SAMD3: variants seen among roughly 807,000 people sequenced by gnomAD.
SAMD3 encodes the protein sterile alpha motif domain-containing protein 3.
Under a neutral mutation model 58.5 loss-of-function variants are expected in SAMD3, and 63 were observed. That is an observed-to-expected ratio of 1.08 (90% confidence interval 0.88 to 1.33). SAMD3 has a LOEUF of 1.33. Ranked by LOEUF, SAMD3 falls within the 40% of genes most tolerant of loss-of-function variation. The pLI, the probability that SAMD3 is intolerant of heterozygous loss-of-function variation, is 0.00. For synonymous variants in SAMD3, 220 were observed against 210.3 expected (o/e 1.05, Z -0.40); for missense variants, 604 against 608.4 (o/e 0.99, Z 0.08).
chr6:130,297,525 T>C (rs990581726), intron 2 of SAMD3, among the ~76,000 whole-genome samples: 10 of 152,160 alleles, frequency 6.6e-5, no homozygotes, highest in African/African-American at 2.2e-4. Context: ...TTTCTAGCAA[T>C]GGATCCTAAT....
chr6:130,296,048 T>C (rs1241419481), intron 2 of SAMD3, among the ~76,000 whole-genome samples: 1 of 152,190 alleles, frequency 6.6e-6, no homozygotes, highest in Non-Finnish European at 1.5e-5. Context: ...CTTCATTTCC[T>C]GAGGCCTCCT....
intron 2 of SAMD3, among the ~76,000 whole-genome samples, chr6:130,279,366 C>T (rs1448236812): frequency 1.3e-5 from 2 of 152,106 alleles, no homozygotes; most frequent in Non-Finnish European, 2.9e-5. Context: ...TTATAAGCAT[C>T]TGGCATTTCC....
At chr6:130,242,767 A>C (rs1468081261) in intron 2 of SAMD3, among the ~76,000 whole-genome samples, 4 of 152,216 alleles carry the variant, frequency 2.6e-5, no homozygotes. Context: ...ACTGAGATGC[A>C]CTGTGAGGAG....
intron 1 of SAMD3, among the ~76,000 whole-genome samples, chr6:130,345,643 G>A (rs1481787680): frequency 6.6e-6 from 1 of 151,678 alleles, no homozygotes; most frequent in Non-Finnish European, 1.5e-5. Context: ...CTCAGTACCT[G>A]GCATATGGCA....
At chr6:130,362,321 G>A (rs955695584) in intron 1 of SAMD3, among the ~76,000 whole-genome samples, 3 of 152,192 alleles carry the variant, frequency 2.0e-5, no homozygotes, top group Non-Finnish European at 4.4e-5. Context: ...AAATATTGCC[G>A]AGTCTCGGAC....
intron 2 of SAMD3, among the ~76,000 whole-genome samples, chr6:130,296,652 C>T (rs1562506077): frequency 6.6e-6 from 1 of 152,102 alleles, no homozygotes; most frequent in Non-Finnish European, 1.5e-5. Flanking sequence ...TGTACAAAGC[C>T]CAACTCCCCA....
At chr6:130,247,684 T>C (rs1045881420) in intron 2 of SAMD3, among the ~76,000 whole-genome samples, 3 of 152,196 alleles carry the variant, frequency 2.0e-5, no homozygotes, top group African/African-American at 4.8e-5. Flanking sequence ...AAGCCAGGTA[T>C]TCATCCTGTC....
intron 4 of SAMD3, among the ~76,000 whole-genome samples, chr6:130,213,116 T>TAAA (rs1795707335): frequency 6.6e-6 from 1 of 152,018 alleles, no homozygotes; most frequent in Non-Finnish European, 1.5e-5. Flanking sequence ...AACCACCATT[T>TAAA]GTTTAAAAAA....
At chr6:130,211,275 A>ATTTTTTTTT (rs1562452834) in intron 4 of SAMD3, among the ~76,000 whole-genome samples, 3 of 134,314 alleles carry the variant, frequency 2.2e-5, no homozygotes, top group African/African-American at 2.8e-5. Flanking sequence ...TGCCAATCAG[A>ATTTTTTTTT]ATTTTTTTTT....
At chr6:130,237,091 CATTA>C (rs10574099) in intron 2 of SAMD3, among the ~76,000 whole-genome samples, 19,967 of 151,946 alleles carry the variant, frequency 0.13, 3,421 homozygotes, top group African/African-American at 0.4. Flanking sequence ...CTATGTACTA[CATTA>C]ATTAAAAAAT....
chr6:130,169,637 A>G (rs1184826043), intron 8 of SAMD3, among the ~76,000 whole-genome samples: 1 of 152,146 alleles, frequency 6.6e-6, no homozygotes, highest in African/African-American at 2.4e-5. Context: ...CCCTGGATTG[A>G]CCATAGCAGG....
intron 8 of SAMD3, among the ~76,000 whole-genome samples, chr6:130,166,961 G>A (rs774159656): frequency 6.6e-6 from 1 of 152,124 alleles, no homozygotes; most frequent in African/African-American, 2.4e-5. Flanking sequence ...GTCAAATTAA[G>A]TACACGCATG....
intron 8 of SAMD3, chr6:130,160,561 T>C (rs924265003): frequency 6.6e-6 from 1 of 152,134 alleles, no homozygotes; most frequent in Non-Finnish European, 1.5e-5. Context: ...GGGCAGAGCA[T>C]GTTACGGGAA....
intron 1 of SAMD3, among the ~76,000 whole-genome samples, chr6:130,348,033 A>G (rs1161028682): frequency 6.6e-6 from 1 of 152,214 alleles, no homozygotes; most frequent in Non-Finnish European, 1.5e-5. Context: ...ATGCTGAGAG[A>G]TTTTGTCACC....
chr6:130,162,582 T>C (rs1790372277), intron 8 of SAMD3, among the ~76,000 whole-genome samples: 1 of 152,170 alleles, frequency 6.6e-6, no homozygotes, highest in African/African-American at 2.4e-5. Context: ...GCTCAAGGCT[T>C]TCTCCCATTT....
At chr6:130,173,167 G>A (rs1791402705) in intron 8 of SAMD3, among the ~76,000 whole-genome samples, 1 of 152,116 alleles carries the variant, frequency 6.6e-6, no homozygotes, top group African/African-American at 2.4e-5. Context: ...AGAGGAGTTT[G>A]TTATTACCCA....
chr6:130,226,913 T>C (rs1487917426), upstream of SAMD3, among the ~76,000 whole-genome samples: 1 of 152,224 alleles, frequency 6.6e-6, no homozygotes, highest in Admixed American at 6.5e-5. Flanking sequence ...GGATGTACAA[T>C]AAATACAGTA....
chr6:130,211,576 G>T (rs547811238), intron 4 of SAMD3, among the ~76,000 whole-genome samples: 4 of 151,992 alleles, frequency 2.6e-5, no homozygotes, highest in Non-Finnish European at 5.9e-5. Context: ...AACCCACCAC[G>T]CCGAGCTGCC....
intron 9 of SAMD3, among the ~76,000 whole-genome samples, chr6:130,146,594 G>A (rs916877037): frequency 1.3e-5 from 2 of 152,194 alleles, no homozygotes; most frequent in African/African-American, 4.8e-5. Context: ...TAGGAAGCAA[G>A]CCCTGACAAA....
Sources: gnomAD v4.1 joint callset for allele counts (sites outside exome capture counted in the v4.1 genomes callset) on GRCh38, gnomAD v4.1.1 for gene constraint, MANE v1.5 for transcripts, NCBI Gene and HGNC (gene_info 2026-07-23, HGNC 2026-07-21) for gene names.